PPARGC1B: variants seen among roughly 807,000 people sequenced by gnomAD.
PPARGC1B encodes the protein PPARG coactivator 1 beta.
A neutral mutation model predicts 101.6 loss-of-function variants in PPARGC1B; 34 were observed. The ratio of observed to expected loss-of-function variants is 0.33; its 90% CI spans 0.25 to 0.45. PPARGC1B has a LOEUF of 0.45. Among genes scored for constraint, PPARGC1B ranks in the 20% least tolerant of loss-of-function variants. The probability of loss-of-function intolerance (pLI) is 1.00; values close to 1 mark genes in which losing one functional copy is unlikely to be tolerated. For synonymous variants in PPARGC1B, 548 were observed against 539.3 expected (o/e 1.02, Z -0.22); for missense variants, 1,234 against 1,317.6 (o/e 0.94, Z 0.98).
At position 149,842,392 on chromosome 5, in the gene PPARGC1B, G is replaced by A; in HGVS notation, c.2816+15G>A. 2 of 1,611,678 alleles carry A rather than the reference G, an allele frequency of 1.2e-6. No individual in the cohort carries two copies. Among genetic ancestry groups the A allele is most frequent in the East Asian group, 4.5e-5 (2 of 44,778 alleles). On this transcript the variant is annotated intron_variant, in intron 10 of 11. Transcript: ENST00000309241. ...AGAAATAGGAGGTGAGTTGAACCAA[G>A]CCATGGCAAATGAAGGGAGCAGAGA...
intron 1 of PPARGC1B, among the ~76,000 whole-genome samples, chr5:149,779,294 A>G (rs1756507654): frequency 6.6e-6 from 1 of 152,158 alleles, no homozygotes; most frequent in Non-Finnish European, 1.5e-5. Flanking sequence ...GTGAGTGCAT[A>G]CACCATGCCT....
At position 149,836,948 on chromosome 5, in the gene PPARGC1B, C is replaced by G; in HGVS notation, c.2493C>G (p.Cys831Trp). The G allele has an allele frequency of 6.2e-7, 1 of 1,614,056 alleles. No homozygotes were observed. Among genetic ancestry groups the G allele is most frequent in the Non-Finnish European group, 8.5e-7 (1 of 1,180,034 alleles). Residue 831 changes from cysteine to tryptophan, a missense_variant, in exon 8 of 12, where the codon TGC becomes TGG. By Grantham distance (215) the Cys-to-Trp change is radical. This residue lies in a region of PPARGC1B where 497 missense variants were observed against 529.5 expected (regional missense o/e 0.94). Transcript: ENST00000309241. ...AGGACTCAGGGGTCAGCCCCACTTG[C>G]TCTGACCACTGCCCCTACCAGAGCC... ...EEEDSGVSPT[C>W]SDHCPYQSPP...
Position 149,849,189 on chromosome 5 carries a change from A to C in PPARGC1B, c.*1631A>C, listed in dbSNP as rs186281335. 6.6e-6 allele frequency: 1 copy of C among 152,336 alleles called. No homozygotes were observed. Among genetic ancestry groups the C allele is most frequent in the Admixed American group, 6.5e-5 (1 of 15,302 alleles). 9.4% of individuals were successfully genotyped at this position (152,336 alleles called of 1,614,324 possible). On this transcript the variant is annotated 3_prime_UTR_variant, in exon 12 of 12. Transcript: ENST00000309241. ...GTAATTTGTTGCTTATGCCAAGCCTAGACTGTTGAGAATTGACGTTTTTAA... is the reference window on the plus strand; with the variant it reads ...GTAATTTGTTGCTTATGCCAAGCCTCGACTGTTGAGAATTGACGTTTTTAA...
At chr5:149,749,883 T>C (rs1358859778) in intron 1 of PPARGC1B, among the ~76,000 whole-genome samples, 1 of 152,170 alleles carries the variant, frequency 6.6e-6, no homozygotes. Context: ...TGTTTTGCTT[T>C]GGTAAATTCT....
chr5:149,805,593 C>G (rs1358173988), intron 1 of PPARGC1B, among the ~76,000 whole-genome samples: 1 of 152,168 alleles, frequency 6.6e-6, no homozygotes, highest in East Asian at 1.9e-4. Flanking sequence ...GCGTGCACCA[C>G]CACGCCTGGC....
chr5:149,752,610 C>T (rs1350075925), intron 1 of PPARGC1B, among the ~76,000 whole-genome samples: 1 of 152,228 alleles, frequency 6.6e-6, no homozygotes, highest in African/African-American at 2.4e-5. Context: ...GGGTGGATCA[C>T]CTGAAGTCAG....
At chr5:149,812,323 T>C (rs1162592219) in intron 1 of PPARGC1B, among the ~76,000 whole-genome samples, 1 of 152,250 alleles carries the variant, frequency 6.6e-6, no homozygotes, top group Non-Finnish European at 1.5e-5. Flanking sequence ...TGATTTCAGA[T>C]GATGCTGTAG....
chr5:149,855,669 T>A (rs1229671759), downstream of PPARGC1B, among the ~76,000 whole-genome samples: 1 of 152,224 alleles, frequency 6.6e-6, no homozygotes, highest in Non-Finnish European at 1.5e-5. Flanking sequence ...CTTCCAAGAC[T>A]CTCAGTTGCG....
At chr5:149,744,906 GA>G (rs1755032575) in intron 1 of PPARGC1B, among the ~76,000 whole-genome samples, 1 of 115,088 alleles carries the variant, frequency 8.7e-6, no homozygotes. Flanking sequence ...TTAGCTTTGT[GA>G]CTTTTTTTTT....
intron 1 of PPARGC1B, among the ~76,000 whole-genome samples, chr5:149,779,309 C>T (rs11960601): frequency 3.3e-5 from 5 of 152,110 alleles, no homozygotes; most frequent in African/African-American, 4.8e-5. Flanking sequence ...ATGCCTGGCA[C>T]GATCTCAGTG....
intron 10 of PPARGC1B, 39 bp downstream of exon 10, chr5:149,842,416 GA>G: frequency 6.2e-7 from 1 of 1,602,394 alleles, no homozygotes; most frequent in East Asian, 2.2e-5. Context: ...AGGGAGCAGA[GA>G]GGGGCACTGG....
chr5:149,734,599 C>G (rs2113063190), intron 1 of PPARGC1B, among the ~76,000 whole-genome samples: 1 of 152,128 alleles, frequency 6.6e-6, no homozygotes, highest in East Asian at 1.9e-4. Flanking sequence ...AAACGAATAT[C>G]TTTTTATGTA....
intron 1 of PPARGC1B, among the ~76,000 whole-genome samples, chr5:149,733,404 T>C (rs1754577012): frequency 1.3e-5 from 2 of 152,232 alleles, no homozygotes; most frequent in East Asian, 3.9e-4. Flanking sequence ...CCGTCCTGCA[T>C]GGCCTTCTCC....
intron 1 of PPARGC1B, among the ~76,000 whole-genome samples, chr5:149,750,946 A>G (rs1755276953): frequency 6.6e-6 from 1 of 152,260 alleles, no homozygotes; most frequent in South Asian, 2.1e-4. Flanking sequence ...TTAATGTAAA[A>G]GCAATTTTGA....
chr5:149,847,153 A>C (rs1209441239), intron 11 of PPARGC1B: 2 of 498,064 alleles, frequency 4.0e-6, no homozygotes, highest in East Asian at 7.5e-5. Flanking sequence ...CTAATGGACG[A>C]GAAGCTGTTG....
intron 1 of PPARGC1B, among the ~76,000 whole-genome samples, chr5:149,755,586 ATGT>A (rs893832677): frequency 4.3e-5 from 6 of 140,946 alleles, no homozygotes; most frequent in African/African-American, 1.6e-4. Flanking sequence ...TCTGCTGTAG[ATGT>A]TGTTGTTGTT....
At chr5:149,766,788 C>A (rs547870962) in intron 1 of PPARGC1B, among the ~76,000 whole-genome samples, 1 of 152,246 alleles carries the variant, frequency 6.6e-6, no homozygotes, top group Non-Finnish European at 1.5e-5. Flanking sequence ...GTCCCCTCCT[C>A]CTCACTGCTC....
intron 1 of PPARGC1B, among the ~76,000 whole-genome samples, chr5:149,753,358 C>T (rs957618371): frequency 6.6e-6 from 1 of 151,892 alleles, no homozygotes. Flanking sequence ...AGGCATGTGC[C>T]ACCACACCCA....
chr5:149,754,111 A>G (rs1755420703), intron 1 of PPARGC1B, among the ~76,000 whole-genome samples: 1 of 152,226 alleles, frequency 6.6e-6, no homozygotes, highest in Admixed American at 6.5e-5. Context: ...CTTCACCCAC[A>G]CAGCATGTTA....
Sources: gnomAD v4.1 joint callset for allele counts (sites outside exome capture counted in the v4.1 genomes callset) on GRCh38, gnomAD v4.1.1 for gene constraint, gnomAD v4.1.1 regional missense constraint, MANE v1.5 for transcripts, NCBI Gene and HGNC (gene_info 2026-07-23, HGNC 2026-07-21) for gene names.